Variants in NPAS3 observed in about 807,000 individuals in gnomAD.
NPAS3 encodes neuronal PAS domain protein 3.
A neutral mutation model predicts 73.1 loss-of-function variants in NPAS3; 14 were observed. That is an observed-to-expected ratio of 0.19 (90% CI 0.13 to 0.30). The LOEUF is 0.30. Ranked by LOEUF, NPAS3 falls within the 10% of genes least tolerant of loss-of-function variation. The pLI is 1.00. For synonymous variants in NPAS3, 620 were observed against 541.5 expected (o/e 1.14, Z -2.01); for missense variants, 1,096 against 1,250.0 (o/e 0.88, Z 1.86).
intron 4 of NPAS3, among the ~76,000 whole-genome samples, chr14:33,499,994 A>G (rs989322293): frequency 1.3e-5 from 2 of 151,916 alleles, no homozygotes; most frequent in Non-Finnish European, 2.9e-5. Flanking sequence ...TCAAGGGTTC[A>G]TTGCATTTCT....
intron 4 of NPAS3, among the ~76,000 whole-genome samples, chr14:33,439,146 C>A (rs1257817236): frequency 6.6e-6 from 1 of 151,646 alleles, no homozygotes; most frequent in African/African-American, 2.4e-5. Flanking sequence ...TTTTCTAATA[C>A]ATCTTCACTA....
intron 4 of NPAS3, among the ~76,000 whole-genome samples, chr14:33,464,470 C>G (rs1196201191): frequency 6.6e-6 from 1 of 152,146 alleles, no homozygotes; most frequent in Non-Finnish European, 1.5e-5. Context: ...ACCAAAGCAT[C>G]GGTGACATAG....
chr14:33,138,528 G>T (rs529026240), intron 2 of NPAS3, among the ~76,000 whole-genome samples: 1 of 152,220 alleles, frequency 6.6e-6, no homozygotes, highest in African/African-American at 2.4e-5. Flanking sequence ...GTACATCCAT[G>T]CCCCAGCATC....
intron 2 of NPAS3, among the ~76,000 whole-genome samples, chr14:33,131,641 C>T (rs373438101): frequency 3.9e-5 from 6 of 152,190 alleles, no homozygotes; most frequent in East Asian, 1.9e-4. Context: ...ATAGAAAATA[C>T]GGCAAACTCA....
At chr14:33,455,381 G>T (rs2049979682) in intron 4 of NPAS3, among the ~76,000 whole-genome samples, 1 of 152,098 alleles carries the variant, frequency 6.6e-6, no homozygotes, top group Non-Finnish European at 1.5e-5. Flanking sequence ...AAATTCTTCG[G>T]GCTTTCACTT....
At chr14:33,262,476 A>G (rs185693079) in intron 3 of NPAS3, among the ~76,000 whole-genome samples, 101 of 152,328 alleles carry the variant, frequency 6.6e-4, no homozygotes, top group Non-Finnish European at 8.4e-4. Context: ...ATTCATTGAA[A>G]TTAGGTAGAC....
intron 6 of NPAS3, among the ~76,000 whole-genome samples, chr14:33,730,589 T>A (rs2061375082): frequency 6.6e-6 from 1 of 152,200 alleles, no homozygotes; most frequent in Non-Finnish European, 1.5e-5. Context: ...AAGTGACATG[T>A]GGCTTTTGCT....
At chr14:33,095,142 A>G (rs1416174795) in intron 2 of NPAS3, among the ~76,000 whole-genome samples, 2 of 152,100 alleles carry the variant, frequency 1.3e-5, no homozygotes, top group Admixed American at 1.3e-4. Context: ...CTGACTTTAC[A>G]GTCCTCGAGT....
chr14:32,975,308 G>GTCACTCCCTTCCTT (rs1555313400), intron 1 of NPAS3, among the ~76,000 whole-genome samples: 2 of 103,998 alleles, frequency 1.9e-5, no homozygotes, highest in Non-Finnish European at 4.3e-5. Context: ...CTCCCTCCCT[G>GTCACTCCCTTCCTT]CCTCCGTCAC....
intron 1 of NPAS3, among the ~76,000 whole-genome samples, chr14:32,959,365 G>A (rs2139206704): frequency 6.6e-6 from 1 of 152,294 alleles, no homozygotes; most frequent in South Asian, 2.1e-4. Context: ...GCACATGTAT[G>A]CATCTGTGTG....
At chr14:33,014,914 C>T (rs931530342) in intron 1 of NPAS3, among the ~76,000 whole-genome samples, 10 of 152,194 alleles carry the variant, frequency 6.6e-5, no homozygotes, top group African/African-American at 2.4e-4. Flanking sequence ...AAGCACTGCT[C>T]TGTGCTGTGC....
rs183998966 is a variant in NPAS3, at chr14:33,358,439, A to T, written c.386-8747A>T. 5.9e-5 allele frequency among the ~76,000 whole-genome samples: 9 copies of T among 152,186 alleles called. No homozygotes were observed. In the East Asian group the frequency reaches 1.7e-3, roughly 29 times the overall value. ...GCAGGATGATGCGCCTGGAACATGC[A>T]TCTGTAGCTACGTTAACATGCTTTT... On this transcript the variant is annotated intron_variant, in intron 3 of 11. Transcript: ENST00000356141.
At chr14:33,590,007 G>A (rs1958546) in intron 5 of NPAS3, among the ~76,000 whole-genome samples, 6,268 of 152,258 alleles carry the variant, frequency 0.041, 279 homozygotes, top group African/African-American at 0.11. Context: ...AAACCCAAAT[G>A]TGCTGAGATT....
chr14:33,420,831 A>G (rs1376776969), intron 4 of NPAS3, among the ~76,000 whole-genome samples: 1 of 151,932 alleles, frequency 6.6e-6, no homozygotes, highest in Non-Finnish European at 1.5e-5. Context: ...GTCTATATAG[A>G]TTCATGCCAT....
At chr14:33,339,897 TATA>T (rs2044393849) in intron 3 of NPAS3, among the ~76,000 whole-genome samples, 1 of 152,200 alleles carries the variant, frequency 6.6e-6, no homozygotes, top group African/African-American at 2.4e-5. Flanking sequence ...ACACATAAAA[TATA>T]ATATATTGGG....
chr14:33,102,149 T>C (rs1010683987), intron 2 of NPAS3, among the ~76,000 whole-genome samples: 20 of 152,148 alleles, frequency 1.3e-4, no homozygotes, highest in African/African-American at 4.8e-4. Context: ...CCACAATTCA[T>C]TCTTCATATG....
chr14:33,384,406 G>A (rs555192357), intron 4 of NPAS3, among the ~76,000 whole-genome samples: 2 of 150,238 alleles, frequency 1.3e-5, no homozygotes, highest in South Asian at 2.2e-4. Context: ...TGTTTTTAAT[G>A]TTTCTGTGTT....
At chr14:33,649,143 T>C (rs2058917922) in intron 5 of NPAS3, among the ~76,000 whole-genome samples, 3 of 152,216 alleles carry the variant, frequency 2.0e-5, no homozygotes, top group Middle Eastern at 3.2e-3. Context: ...TATGTATTCA[T>C]TCAAATGACA....
At chr14:33,136,206 G>A (rs1301795034) in intron 2 of NPAS3, among the ~76,000 whole-genome samples, 21 of 151,658 alleles carry the variant, frequency 1.4e-4, no homozygotes, top group South Asian at 4.2e-4. Context: ...GACTACAGGC[G>A]CACACCACCA....
Sources: gnomAD v4.1 joint callset for allele counts (sites outside exome capture counted in the v4.1 genomes callset) on GRCh38, gnomAD v4.1.1 for gene constraint, MANE v1.5 for transcripts, NCBI Gene and HGNC (gene_info 2026-07-23, HGNC 2026-07-21) for gene names.